SH3BP1: variants seen among roughly 807,000 people sequenced by gnomAD.
SH3BP1 encodes SH3 domain binding protein 1.
In SH3BP1, 46 loss-of-function variants were observed where a neutral mutation model predicts 69.8. The observed-to-expected ratio is 0.66, with a 90% confidence interval of 0.52 to 0.84. The LOEUF (loss-of-function observed/expected upper bound fraction) is 0.84. Among genes scored for constraint, SH3BP1 ranks in the 40% least tolerant of loss-of-function variants. The pLI, the probability that SH3BP1 is intolerant of heterozygous loss-of-function variation, is 0.00. For synonymous variants in SH3BP1, 403 were observed against 378.0 expected, an observed-to-expected ratio of 1.07 and a Z score of -0.77; for missense variants, 868 against 930.9, an observed-to-expected ratio of 0.93 and a Z score of 0.88.
At chr22:37,645,292 GA>G in intron 9 of SH3BP1, 72 bp from the exon 10 acceptor site, 1 of 1,536,528 alleles carries the variant, frequency 6.5e-7, no homozygotes, top group Non-Finnish European at 8.8e-7. Context: ...TTGAGGACAT[GA>G]AGGGGGGGTG....
rs753893612 is a variant in SH3BP1 at position 37,644,695 on chromosome 22, A to G, written c.677A>G (p.Tyr226Cys). The change falls in exon 8 of 18, where the codon TAC becomes TGC. Residue 226 changes from tyrosine (Y) to cysteine (C), a missense_variant. Transcript: ENST00000649765. ...ACCAAGGAGGACTCCTATGCCAACT[A>G]CTTCATTCGTGTGAGTCCAAGACCG... ...FVTKEDSYAN[Y>C]FIRLLEIQAD... 5.0e-6 allele frequency: 8 copies of G among 1,614,200 alleles called. No individual in the cohort carries two copies. In the Admixed American group the frequency reaches 5.0e-5, roughly 10 times the overall value.
chr22:37,653,934 G>A, intron 17 of SH3BP1, 61 bp downstream of exon 17: 1 of 1,188,558 alleles, frequency 8.4e-7, no homozygotes, highest in Non-Finnish European at 1.2e-6. Flanking sequence ...GGGACAGGCA[G>A]TCCCAGGTCC....
Position 37,645,122 on chromosome 22 carries a change from G to T in SH3BP1, c.778+162G>T, listed in dbSNP as rs1464687763. The T allele has an allele frequency of 8.3e-6, 7 of 845,028 alleles. No homozygotes were observed. The Admixed American group carries it at 1.6e-4, about 20-fold the overall frequency. 52.3% of individuals were successfully genotyped at this position (845,028 alleles called of 1,614,324 possible). The stretch of plus-strand genomic sequence containing the variant: ...GAGGCAGCTCTGGCTACTGTGTGGA[G>T]GGTGGAGTGAAGCGGGCAGGACTAG... On this transcript the variant is annotated intron_variant, in intron 9 of 17. Coordinates refer to ENST00000649765, the MANE Select transcript of SH3BP1 (RefSeq NM_018957.6).
Position 37,653,761 on chromosome 22 carries a change from C to T in SH3BP1, c.1599-18C>T, listed in dbSNP as rs1932936787. 3 of 1,589,748 alleles carry T rather than the reference C, an allele frequency of 1.9e-6. No homozygotes were observed. The highest frequency in any genetic ancestry group is 2.7e-5 in the African/African-American group (2 of 74,452). On this transcript the variant is annotated intron_variant, in intron 16 of 17. Transcript: ENST00000649765. ...GGGAGGTGGCTAAGTCTGCCCCATC[C>T]TCTCCTTCCCTCTGCAGGACAGAGT... is the stretch of plus-strand genomic sequence containing the variant.
At chr22:37,653,929 A>G (rs1932944741) in intron 17 of SH3BP1, 56 bp downstream of exon 17, 3 of 1,190,268 alleles carry the variant, frequency 2.5e-6, no homozygotes, top group Admixed American at 3.8e-5. Context: ...GAGAGGGGAC[A>G]GGCAGTCCCA....
At position 37,647,476 on chromosome 22, in the gene SH3BP1, A is replaced by C; in HGVS notation, c.1154A>C (p.Gln385Pro). The stretch of plus-strand genomic sequence containing the variant: ...CCAGGGGCCCGGCTGCAGGCCCTCC[A>C]AGAGGTGTGCAGCCGCCTACCCCCC... Reference protein sequence around the residue: ...KEPGARLQALQEVCSRLPPEN... With the variant: ...KEPGARLQALPEVCSRLPPEN... The change falls in exon 13 of 18, where the codon CAA (glutamine) becomes CCA (proline). Residue 385 changes from glutamine to proline, a missense_variant. By Grantham distance (76) the Gln-to-Pro change is moderately conservative (BLOSUM62 -1). Transcript: ENST00000649765. 6.2e-7 allele frequency: 1 copy of C among 1,609,028 alleles called. No homozygotes were observed. The highest frequency in any genetic ancestry group is 2.2e-5 in the East Asian group (1 of 44,812).
At chr22:37,647,004 G>T in intron 11 of SH3BP1, 75 bp downstream of exon 11, 2 of 1,017,190 alleles carry the variant, frequency 2.0e-6, no homozygotes, top group East Asian at 5.3e-5. Flanking sequence ...TCCCAAGATA[G>T]CCTGGCTTTA....
In SH3BP1 at chr22:37,647,432, C is replaced by A. The variant is rs117083814; in HGVS notation, c.1119-9C>A. ...GCGCTGGCTGACAGGTCTCTCCACT[C>A]CCCCCCAGCCTGAAGGAGCCAGGGG... On this transcript the variant is annotated splice_polypyrimidine_tract_variant and intron_variant, in intron 12 of 17. Transcript: ENST00000649765. 7.2e-5 allele frequency: 116 copies of A among 1,609,310 alleles called. No individual in the cohort carries two copies. Among genetic ancestry groups the A allele is most frequent in the South Asian group, 3.5e-4 (32 of 90,830 alleles).
intron 14 of SH3BP1, chr22:37,648,925 G>C: frequency 6.1e-6 from 1 of 163,460 alleles, no homozygotes; most frequent in Non-Finnish European, 1.3e-5. Flanking sequence ...GGGTGGTCTC[G>C]ATCTCCTCAG....
In SH3BP1 at chr22:37,653,825, AGGAGTCCCCC is replaced by A; in HGVS notation, c.1650_1659del (p.Ser550ArgfsTer105). ...CAGACCAGCCTCCCCCAAGGTCACC[AGGAGTCCCCC>A]GGAGACAGCTGCCCCAGTGGAGGAC... On this transcript the variant is annotated frameshift_variant, in exon 17 of 18. Transcript: ENST00000649765. LOFTEE classifies it low-confidence loss of function (END_TRUNC). 2 of 1,581,060 alleles carry A rather than the reference AGGAGTCCCCC, an allele frequency of 1.3e-6. No homozygotes were observed. Among genetic ancestry groups the A allele is most frequent in the African/African-American group, 1.4e-5 (1 of 73,630 alleles).
In SH3BP1 at chr22:37,639,778, C is replaced by T. The variant is rs775451002; in HGVS notation, c.-10C>T. ...CGCCGTGACCCCGCAGCCCCCAGCTCGCCCCCAAGATGATGAAGAGGCAGC... is the reference window on the plus strand; with the variant it reads ...CGCCGTGACCCCGCAGCCCCCAGCTTGCCCCCAAGATGATGAAGAGGCAGC... On this transcript the variant is annotated 5_prime_UTR_variant, in exon 1 of 18. Transcript: ENST00000649765. 1.3e-6 allele frequency: 2 copies of T among 1,514,194 alleles called. No individual in the cohort carries two copies. The highest frequency in any genetic ancestry group is 2.1e-5 in the Admixed American group (1 of 47,394). 93.8% of individuals were successfully genotyped at this position (1,514,194 alleles called of 1,614,324 possible).
In SH3BP1 at chr22:37,648,341, C is replaced by T. The variant is rs767287967; in HGVS notation, c.1222C>T (p.Arg408Trp). ...TAGGTACCTGATGAAGTTCCTGGCA[C>T]GGCTGGCCGAGGAGCAGGAGGTGAA... Reference protein sequence around the residue: ...NLRYLMKFLARLAEEQEVNKM... With the variant: ...NLRYLMKFLAWLAEEQEVNKM... The change falls in exon 14 of 18, where the codon CGG (arginine) becomes TGG (tryptophan). Residue 408 changes from arginine to tryptophan, a missense_variant. Coordinates refer to ENST00000649765, the MANE Select transcript of SH3BP1 (RefSeq NM_018957.6). 96 of 1,581,028 alleles carry T rather than the reference C, an allele frequency of 6.1e-5. No individual in the cohort carries two copies. Among genetic ancestry groups the T allele is most frequent in the Non-Finnish European group, 7.8e-5 (91 of 1,163,528 alleles).
At chr22:37,651,474 C>T (rs968959725) in intron 16 of SH3BP1, among the ~76,000 whole-genome samples, 4 of 151,096 alleles carry the variant, frequency 2.6e-5, no homozygotes, top group South Asian at 4.2e-4. Flanking sequence ...TGACTTCAGG[C>T]GTGCACCACC....
chr22:37,645,300 G>C (rs1932763929), intron 9 of SH3BP1, 65 bp from the exon 10 acceptor site: 2 of 1,545,490 alleles, frequency 1.3e-6, no homozygotes, highest in Non-Finnish European at 1.8e-6. Context: ...ATGAAGGGGG[G>C]GTGCCCCTGC....
In SH3BP1 at chr22:37,643,777, G is replaced by C. The variant is rs1160402068; in HGVS notation, c.607G>C (p.Glu203Gln). Residue 203 changes from glutamate to glutamine, a missense_variant, in exon 7 of 18, where the codon GAG becomes CAG. Coordinates refer to ENST00000649765, the MANE Select transcript of SH3BP1 (RefSeq NM_018957.6). The stretch of plus-strand genomic sequence containing the variant: ...GGAGGAGGAGCTGAAGAGGAAAGTG[G>C]AGCAATGCAGGGTGAGGGCCATGGG... ...EEEEELKRKV[E>Q]QCRDEYLADL... is the part of the protein sequence containing the mutation. The C allele has an allele frequency of 1.2e-6, 2 of 1,613,110 alleles. No individual in the cohort carries two copies. The highest frequency in any genetic ancestry group is 1.7e-5 in the Admixed American group (1 of 60,004).
chr22:37,653,943 C>G, intron 17 of SH3BP1, 70 bp downstream of exon 17: 1 of 1,156,382 alleles, frequency 8.6e-7, no homozygotes, highest in Non-Finnish European at 1.3e-6. Flanking sequence ...AGTCCCAGGT[C>G]CTCCTATCTT....
intron 4 of SH3BP1, 127 bp from the exon 5 acceptor site, chr22:37,642,768 G>A (rs576390361): frequency 1.9e-4 from 298 of 1,597,086 alleles, no homozygotes; most frequent in Non-Finnish European, 2.5e-4. Context: ...CTGGGAGGGT[G>A]TTCAGCTTAG....
intron 16 of SH3BP1, among the ~76,000 whole-genome samples, chr22:37,651,366 A>G (rs887272205): frequency 7.2e-6 from 1 of 139,722 alleles, no homozygotes; most frequent in African/African-American, 2.7e-5. Context: ...GATGGAGTTC[A>G]CTCTGTTGCT....
At chr22:37,653,635 AG>A in intron 16 of SH3BP1, 143 bp from the exon 17 acceptor site, 1 of 700,934 alleles carries the variant, frequency 1.4e-6, no homozygotes, top group Non-Finnish European at 2.7e-6. Flanking sequence ...ATCTTCTGGG[AG>A]GGGTGCGTGG....
Sources: allele counts gnomAD v4.1 joint callset (sites outside exome capture counted in the v4.1 genomes callset), GRCh38; gene constraint gnomAD v4.1.1; transcripts MANE v1.5; gene names NCBI Gene and HGNC (gene_info 2026-07-23, HGNC 2026-07-21).